The following EPHX4 variants were observed in gnomAD, a reference collection of about 807,000 sequenced individuals.
The protein encoded by EPHX4 is abhydrolase domain containing 7.
Under a neutral mutation model 44.9 loss-of-function variants are expected in EPHX4, and 31 were observed. The observed-to-expected ratio is 0.69, with a 90% CI of 0.52 to 0.93. The LOEUF (loss-of-function observed/expected upper bound fraction) is 0.93. Among genes scored for constraint, EPHX4 ranks in the 40% least tolerant of loss-of-function variants. EPHX4 has a pLI of 0.00. For missense variants in EPHX4, 373 were observed against 438.1 expected (o/e 0.85, Z 1.33); for synonymous variants, 151 against 159.7 (o/e 0.95, Z 0.41).
chr1:92,056,901 C>T (rs113968076), intron 6 of EPHX4, among the ~76,000 whole-genome samples: 120 of 152,032 alleles, frequency 7.9e-4, no homozygotes, highest in African/African-American at 2.7e-3. Flanking sequence ...CAGTAGAAAT[C>T]AATAACAATA....
At chr1:92,043,046 G>T in intron 3 of EPHX4, 66 bp downstream of exon 3, 3 of 1,318,962 alleles carry the variant, frequency 2.3e-6, no homozygotes, top group Non-Finnish European at 3.1e-6. Flanking sequence ...GTGAATCAAT[G>T]ACTTCTTTTC....
intron 2 of EPHX4, among the ~76,000 whole-genome samples, chr1:92,039,838 G>C (rs1688485737): frequency 6.6e-6 from 1 of 152,044 alleles, no homozygotes. Flanking sequence ...ATTTTTAGTA[G>C]AGACGTGGTT....
At chr1:92,044,084 A>G (rs1688550265) in intron 3 of EPHX4, among the ~76,000 whole-genome samples, 1 of 152,176 alleles carries the variant, frequency 6.6e-6, no homozygotes, top group Admixed American at 6.5e-5. Context: ...ATCCCTTTTG[A>G]CTGAAACCAA....
At chr1:92,030,490 G>GTGT (rs1383490491) in intron 1 of EPHX4, among the ~76,000 whole-genome samples, 180 bp downstream of exon 1, 4 of 127,664 alleles carry the variant, frequency 3.1e-5, no homozygotes, top group Admixed American at 7.5e-5. Context: ...GTGTGTGAGA[G>GTGT]AGAGAGAGAG....
At chr1:92,031,658 A>G (rs1289989505) in intron 1 of EPHX4, among the ~76,000 whole-genome samples, 3 of 152,226 alleles carry the variant, frequency 2.0e-5, no homozygotes, top group African/African-American at 7.2e-5. Context: ...GTTGCCTGCT[A>G]TAAAAACCCA....
rs1194826059 is a variant in EPHX4 at position 92,030,222 on chromosome 1, C to T, written c.143C>T (p.Ala48Val). The change falls in exon 1 of 7, where the codon GCG becomes GTG. Residue 48 changes from alanine (A) to valine (V), a missense_variant. Transcript: ENST00000370383. ...KLLWSLGKGP[A>V]QTFRRPAREH... is the part of the protein sequence containing the mutation. Reference sequence around the variant, plus strand: ...TTGTGGAGCCTCGGCAAGGGGCCGGCGCAGACCTTCCGGCGGCCCGCCCGG... The same window carrying T: ...TTGTGGAGCCTCGGCAAGGGGCCGGTGCAGACCTTCCGGCGGCCCGCCCGG... 1 of 1,605,044 alleles carries T rather than the reference C, an allele frequency of 6.2e-7. No individual in the cohort carries two copies. The highest frequency in any genetic ancestry group is 2.3e-5 in the East Asian group (1 of 44,440).
At position 92,030,187 on chromosome 1, in the gene EPHX4, G is replaced by C. The variant is rs1295092889; in HGVS notation, c.108G>C (p.Leu36=). 1.2e-6 allele frequency: 2 copies of C among 1,611,496 alleles called. No homozygotes were observed. Among genetic ancestry groups the C allele is most frequent in the East Asian group, 4.5e-5 (2 of 44,750 alleles). ...GCGGGCTCTGCGCCTCCATCCACCT[G>C]CTCAAACTTTTGTGGAGCCTCGGCA... ...CYCGLCASIH[L]LKLLWSLGKG... is the part of the protein sequence containing the mutation. Residue 36 remains leucine, a synonymous_variant, in exon 1 of 7, where the codon CTG becomes CTC. Transcript: ENST00000370383.
At chr1:92,059,416 A>T (rs934439259) in intron 6 of EPHX4, among the ~76,000 whole-genome samples, 1 of 152,028 alleles carries the variant, frequency 6.6e-6, no homozygotes, top group Admixed American at 6.6e-5. Flanking sequence ...AGCCTTGGCA[A>T]CAGAGCAAGA....
chr1:92,053,796 A>C (rs1183138334), intron 6 of EPHX4, among the ~76,000 whole-genome samples: 3 of 152,142 alleles, frequency 2.0e-5, no homozygotes, highest in Admixed American at 2.0e-4. Context: ...GCTAGTTTTT[A>C]TGGGAAAGTC....
intron 6 of EPHX4, among the ~76,000 whole-genome samples, chr1:92,059,435 CA>C (rs374474733): frequency 0.044 from 6,416 of 146,004 alleles, 166 homozygotes; most frequent in African/African-American, 0.074. Flanking sequence ...GACCCTGTCT[CA>C]AAAAAAAAAG....
Position 92,038,893 on chromosome 1 carries a change from T to C in EPHX4, c.318-3930T>C, listed in dbSNP as rs551607525. 4.6e-5 allele frequency among the ~76,000 whole-genome samples: 7 copies of C among 152,346 alleles called. No homozygotes were observed. The South Asian group carries it at 1.4e-3, about 32-fold the overall frequency. The stretch of plus-strand genomic sequence containing the variant: ...GGCCAGACTCCCTGGGCTGGAATCC[T>C]GGCTCTGCTGTTTGCTGACTCTGTG... On this transcript the variant is annotated intron_variant, in intron 2 of 6. Coordinates refer to ENST00000370383, the MANE Select transcript of EPHX4 (RefSeq NM_173567.5).
In EPHX4 at chr1:92,049,010, C is replaced by G. The variant is rs1688621223; in HGVS notation, c.605-1307C>G. ...GAGCCACCATGCCTGGCTTTACACA[C>G]TTTTTTATTATATATGAATATATAT... On this transcript the variant is annotated intron_variant, in intron 4 of 6. Transcript: ENST00000370383. Among the ~76,000 whole-genome samples, 6 of 151,578 alleles carry G rather than the reference C, an allele frequency of 4.0e-5. No individual in the cohort carries two copies. The South Asian group carries it at 1.0e-3, about 26-fold the overall frequency.
intron 1 of EPHX4, 71 bp downstream of exon 1, chr1:92,030,381 T>C: frequency 7.4e-7 from 1 of 1,356,178 alleles, no homozygotes; most frequent in Non-Finnish European, 9.7e-7. Flanking sequence ...GGCTCCGGGC[T>C]TCTCCTTCCG....
At chr1:92,039,003 C>T (rs6690705) in intron 2 of EPHX4, among the ~76,000 whole-genome samples, 42,137 of 152,008 alleles carry the variant, frequency 0.28, 6,702 homozygotes, top group African/African-American at 0.44. Flanking sequence ...CTTCATAGTA[C>T]TGTTTTGAAG....
At chr1:92,041,097 A>G (rs1688501928) in intron 2 of EPHX4, among the ~76,000 whole-genome samples, 1 of 151,950 alleles carries the variant, frequency 6.6e-6, no homozygotes, top group Non-Finnish European at 1.5e-5. Context: ...GAAGAAGAAA[A>G]TCTTATGGAT....
At chr1:92,041,671 G>A (rs547464055) in intron 2 of EPHX4, among the ~76,000 whole-genome samples, 13 of 152,054 alleles carry the variant, frequency 8.5e-5, no homozygotes, top group South Asian at 2.1e-4. Context: ...CTAGAAATTC[G>A]GGCTGTAAAA....
At chr1:92,056,002 A>G (rs561815349) in intron 6 of EPHX4, among the ~76,000 whole-genome samples, 1 of 152,260 alleles carries the variant, frequency 6.6e-6, no homozygotes, top group South Asian at 2.1e-4. Context: ...AGAGAGAGAG[A>G]GAGAGAGGGA....
chr1:92,060,792 G>A (rs1042664354), intron 6 of EPHX4, among the ~76,000 whole-genome samples: 6 of 151,978 alleles, frequency 3.9e-5, no homozygotes, highest in Non-Finnish European at 7.4e-5. Flanking sequence ...TCTGTGCACC[G>A]ATATTGCTAA....
intron 4 of EPHX4, among the ~76,000 whole-genome samples, chr1:92,046,559 G>A (rs980299953): frequency 1.3e-5 from 2 of 152,140 alleles, no homozygotes; most frequent in Admixed American, 1.3e-4. Context: ...CACCTCCTGG[G>A]TTCAAGCGAT....
Sources: allele counts gnomAD v4.1 joint callset (sites outside exome capture counted in the v4.1 genomes callset), GRCh38; gene constraint gnomAD v4.1.1; transcripts MANE v1.5; gene names NCBI Gene and HGNC (gene_info 2026-07-23, HGNC 2026-07-21).